Variants in RYR2 observed in about 807,000 individuals in gnomAD.
RYR2 encodes the protein cardiac muscle ryanodine receptor-calcium release channel.
Under a neutral mutation model 601.1 loss-of-function variants are expected in RYR2, and 227 were observed. That is an observed-to-expected ratio of 0.38 (90% CI 0.34 to 0.42). RYR2 has a LOEUF of 0.42. Among genes scored for constraint, RYR2 ranks in the 10% least tolerant of loss-of-function variants. RYR2 has a pLI of 1.00. For missense variants in RYR2, 4,646 were observed against 6,156.5 expected, an observed-to-expected ratio of 0.75 and a Z score of 8.21; for synonymous variants, 2,223 against 2,175.1, an observed-to-expected ratio of 1.02 and a Z score of -0.61.
At chr1:237,702,169 G>A (rs919090842) in intron 66 of RYR2, 110 bp downstream of exon 66, 125 of 634,006 alleles carry the variant, frequency 2.0e-4, no homozygotes, top group African/African-American at 1.8e-3. Context: ...AAACTAAACC[G>A]GATTGACCTT....
chr1:237,534,981 A>G (rs535809055), intron 25 of RYR2, among the ~76,000 whole-genome samples: 1 of 151,992 alleles, frequency 6.6e-6, no homozygotes, highest in South Asian at 2.1e-4. Flanking sequence ...TTGTGAGAAC[A>G]CTTAAAATCA....
chr1:237,142,616 T>C (rs1673507760), intron 1 of RYR2, among the ~76,000 whole-genome samples: 1 of 152,142 alleles, frequency 6.6e-6, no homozygotes. Flanking sequence ...AGCTCTTCAT[T>C]GGTGGGGCAG....
At chr1:237,319,364 ACTGT>A (rs1241497729) in intron 2 of RYR2, among the ~76,000 whole-genome samples, 1 of 152,072 alleles carries the variant, frequency 6.6e-6, no homozygotes, top group African/African-American at 2.4e-5. Context: ...CTGGGCTTTT[ACTGT>A]CTGTGTCATA....
chr1:237,481,711 T>G lies in RYR2; in HGVS notation c.1709-10095T>G, dbSNP rs368617048. ...TGGAAAAAAACAACAGATTTGTGCC[T>G]TTACAGAACCCTCTCAGATGCACAG... On this transcript the variant is annotated intron_variant, in intron 17 of 104. Coordinates refer to ENST00000366574, the MANE Select transcript of RYR2 (RefSeq NM_001035.3). 1.2e-3 allele frequency among the ~76,000 whole-genome samples: 189 copies of G among 151,798 alleles called. 1 individual carries two copies. The highest frequency in any genetic ancestry group is 4.4e-3 in the African/African-American group (182 of 41,368).
chr1:237,647,534 T>G (rs1682300839), intron 48 of RYR2, among the ~76,000 whole-genome samples: 1 of 152,242 alleles, frequency 6.6e-6, no homozygotes, highest in African/African-American at 2.4e-5. Context: ...TTTTCATGAT[T>G]CACATATAAA....
At chr1:237,726,752 G>C (rs1400514224) in intron 75 of RYR2, among the ~76,000 whole-genome samples, 2 of 152,006 alleles carry the variant, frequency 1.3e-5, no homozygotes, top group Non-Finnish European at 2.9e-5. Context: ...TTGAGAAGGA[G>C]ATAAAATGAT....
chr1:237,652,664 A>T (rs1055674374), intron 51 of RYR2, among the ~76,000 whole-genome samples: 9 of 152,124 alleles, frequency 5.9e-5, no homozygotes, highest in Admixed American at 5.9e-4. Flanking sequence ...TAAAAATTCT[A>T]TTTTTATGTT....
chr1:237,508,411 T>C (rs1351394369), intron 23 of RYR2, among the ~76,000 whole-genome samples: 1 of 151,386 alleles, frequency 6.6e-6, no homozygotes, highest in African/African-American at 2.4e-5. Flanking sequence ...GTTTCAAAAA[T>C]AGGAAGAGAT....
At position 237,550,644 on chromosome 1, in the gene RYR2, C is replaced by G; in HGVS notation, c.3167C>G (p.Thr1056Arg). The G allele has an allele frequency of 6.3e-7, 1 of 1,577,920 alleles. No individual in the cohort carries two copies. Among genetic ancestry groups the G allele is most frequent in the Non-Finnish European group, 8.6e-7 (1 of 1,161,232 alleles). The change falls in exon 27 of 105, where the codon ACG (threonine) becomes AGG (arginine). Residue 1056 changes from threonine to arginine, a missense_variant. Thr to Arg is a moderately conservative substitution (Grantham distance 71). Around this residue, in one of 17 missense-constraint regions of RYR2, gnomAD observed 1,807 missense variants for 2,088.1 expected, o/e 0.87. Coordinates refer to ENST00000366574, the MANE Select transcript of RYR2 (RefSeq NM_001035.3). ...NKDSLREAVR[T>R]LLGYGYNLEA... ...GACAGCCTCCGCGAGGCTGTGCGCA[C>G]GCTGCTGGGGTACGGCTACAACTTG... is the stretch of plus-strand genomic sequence containing the variant.
rs1689350358 is a variant in RYR2, at chr1:237,717,349, C to T, written c.10475C>T (p.Ala3492Val). 1 of 1,603,522 alleles carries T rather than the reference C, an allele frequency of 6.2e-7. No homozygotes were observed. Among genetic ancestry groups the T allele is most frequent in the Admixed American group, 1.7e-5 (1 of 58,722 alleles). The part of the protein sequence containing the change: ...APGDQELIAL[A>V]KNRFSLKDTE... ...GGGGACCAGGAGCTCATTGCTCTGG[C>T]CAAAAATCGATTTAGCCTGGTAAGT... is the stretch of plus-strand genomic sequence containing the variant. The change falls in exon 72 of 105, where the codon GCC becomes GTC. Residue 3492 changes from alanine to valine, a missense_variant. By Grantham distance (64) the Ala-to-Val change is moderately conservative. Coordinates refer to ENST00000366574, the MANE Select transcript of RYR2 (RefSeq NM_001035.3).
chr1:237,282,925 C>T (rs1275678355), intron 2 of RYR2, among the ~76,000 whole-genome samples: 2 of 152,136 alleles, frequency 1.3e-5, no homozygotes, highest in Non-Finnish European at 2.9e-5. Flanking sequence ...ACCAGCACAA[C>T]TTTATTTGAA....
chr1:237,062,649 G>A (rs931008101), intron 1 of RYR2, among the ~76,000 whole-genome samples: 3 of 152,106 alleles, frequency 2.0e-5, no homozygotes, highest in African/African-American at 7.2e-5. Context: ...GCCCAGTCAT[G>A]TCATCTGTAC....
At chr1:237,729,603 G>T (rs1161729109) in intron 76 of RYR2, among the ~76,000 whole-genome samples, 1 of 152,084 alleles carries the variant, frequency 6.6e-6, no homozygotes, top group Non-Finnish European at 1.5e-5. Flanking sequence ...TTCCCTTCAT[G>T]ACATTCTTTT....
chr1:237,220,821 A>G (rs901427405), intron 1 of RYR2, among the ~76,000 whole-genome samples: 5 of 152,136 alleles, frequency 3.3e-5, no homozygotes, highest in African/African-American at 1.2e-4. Flanking sequence ...GTCAAAGTCT[A>G]CCTGCCTCTT....
At chr1:237,443,275 G>T (rs1418029525) in intron 13 of RYR2, among the ~76,000 whole-genome samples, 1 of 151,600 alleles carries the variant, frequency 6.6e-6, no homozygotes, top group Non-Finnish European at 1.5e-5. Flanking sequence ...CTGGTCTGCT[G>T]GTTTATTATC....
chr1:237,584,878 A>C (rs898082822), intron 29 of RYR2, among the ~76,000 whole-genome samples: 11 of 149,986 alleles, frequency 7.3e-5, no homozygotes, highest in African/African-American at 2.7e-4. Flanking sequence ...ACTCCTAAGC[A>C]GTGTGCCCAG....
chr1:237,066,926 C>T (rs932577112), intron 1 of RYR2, among the ~76,000 whole-genome samples: 4 of 152,126 alleles, frequency 2.6e-5, no homozygotes, highest in Middle Eastern at 3.2e-3. Context: ...CGTGAGCCAC[C>T]GCGCCCGGCA....
chr1:237,638,567 C>T (rs989185498), intron 45 of RYR2, 75 bp downstream of exon 45: 1 of 1,470,398 alleles, frequency 6.8e-7, no homozygotes, highest in African/African-American at 1.4e-5. Flanking sequence ...TTCATCTCAG[C>T]ACTTTCATGA....
intron 1 of RYR2, among the ~76,000 whole-genome samples, chr1:237,186,633 A>G (rs78961582): frequency 0.084 from 12,849 of 152,242 alleles, 608 homozygotes; most frequent in East Asian, 0.16. Flanking sequence ...CTAATGGATC[A>G]GCAGAAGCAG....
Sources: gnomAD v4.1 joint callset for allele counts (sites outside exome capture counted in the v4.1 genomes callset) on GRCh38, gnomAD v4.1.1 for gene constraint, gnomAD v4.1.1 regional missense constraint, MANE v1.5 for transcripts, NCBI Gene and HGNC (gene_info 2026-07-23, HGNC 2026-07-21) for gene names.